The following INKA2 variants were observed in gnomAD, a reference collection of about 807,000 sequenced individuals.
INKA2 encodes the protein PAK4-inhibitor INKA2.
INKA2 carries 3 observed loss-of-function variants against 9.8 expected under a neutral mutation model. The ratio of observed to expected loss-of-function variants is 0.31; its 90% confidence interval spans 0.14 to 0.79. The LOEUF (loss-of-function observed/expected upper bound fraction) is 0.79. Ranked by LOEUF, INKA2 falls within the 30% of genes least tolerant of loss-of-function variation. INKA2 has a pLI of 0.62. For missense variants in INKA2, 392 were observed against 384.4 expected (o/e 1.02, Z -0.17); for synonymous variants, 147 against 143.3 (o/e 1.03, Z -0.18).
upstream of INKA2, among the ~76,000 whole-genome samples, chr1:111,742,251 G>T (rs1207610159): frequency 6.6e-6 from 1 of 152,114 alleles, no homozygotes; most frequent in African/African-American, 2.4e-5. Context: ...CCTGCTTATG[G>T]GTTTAAACCT....
At chr1:111,739,431 G>C (rs999136449), upstream of INKA2, 10 of 1,444,552 alleles carry the variant, frequency 6.9e-6, no homozygotes, top group Admixed American at 5.7e-5. Context: ...GGTCGGTGCT[G>C]GGGGTGGAGG....
chr1:111,750,488 C>A (rs535744836), intron 1 of INKA2, among the ~76,000 whole-genome samples: 1 of 152,256 alleles, frequency 6.6e-6, no homozygotes, highest in African/African-American at 2.4e-5. Flanking sequence ...GAACAGATGG[C>A]TCAAGAATAT....
chr1:111,745,085 G>A (rs1663231051), intron 1 of INKA2, among the ~76,000 whole-genome samples: 2 of 151,552 alleles, frequency 1.3e-5, no homozygotes, highest in East Asian at 1.9e-4. Flanking sequence ...TAATGAACAG[G>A]TAGTCTGTGG....
chr1:111,755,724 TC>T (rs1189144125), exon 1 of INKA2: 4 of 1,613,754 alleles, frequency 2.5e-6, no homozygotes, highest in Non-Finnish European at 3.4e-6. Flanking sequence ...TTTCCTCTCC[TC>T]CCTCTTGGGG....
upstream of INKA2, among the ~76,000 whole-genome samples, chr1:111,741,289 G>T (rs1557913993): frequency 6.6e-6 from 1 of 152,154 alleles, no homozygotes; most frequent in African/African-American, 2.4e-5. Flanking sequence ...AATGGATAGA[G>T]AAAAGAAAAA....
At chr1:111,732,414 G>A (rs747372267) in intron 1 of INKA2, among the ~76,000 whole-genome samples, 2 of 152,030 alleles carry the variant, frequency 1.3e-5, no homozygotes, top group African/African-American at 2.4e-5. Context: ...GAGTTCCTCC[G>A]GAGCCTCTTA....
intron 1 of INKA2, among the ~76,000 whole-genome samples, chr1:111,728,057 A>ACC (rs1662831139): frequency 6.6e-6 from 1 of 151,402 alleles, no homozygotes; most frequent in Admixed American, 6.6e-5. Flanking sequence ...ACACACACAC[A>ACC]CACACACACA....
rs1223268229 is a variant in INKA2 at position 111,727,718 on chromosome 1, C to A, written c.144G>T (p.Val48=). The A allele has an allele frequency of 1.5e-5, 24 of 1,613,814 alleles. No homozygotes were observed. The East Asian group carries it at 5.3e-4, about 36-fold the overall frequency. The change falls in exon 2 of 2, where the codon GTG becomes GTT. Residue 48 remains valine, a synonymous_variant. Transcript: ENST00000357260. ...GALQELKLLQ[V]QTALEQLEIS... ...TCTCCAGCTGTTCCAGTGCTGTCTG[C>A]ACCTGGAGGAGCTTCAGTTCTTGCA...
chr1:111,749,077 G>C (rs1484020315), intron 1 of INKA2, among the ~76,000 whole-genome samples: 3 of 152,224 alleles, frequency 2.0e-5, no homozygotes, highest in Non-Finnish European at 4.4e-5. Flanking sequence ...AAGGCTCAAG[G>C]CTGCCTGAGG....
At chr1:111,735,074 C>T (rs919208710) in intron 1 of INKA2, among the ~76,000 whole-genome samples, 37 of 152,202 alleles carry the variant, frequency 2.4e-4, no homozygotes, top group Non-Finnish European at 5.1e-4. Flanking sequence ...GAAAGTAAAA[C>T]TTCTTAGTGT....
rs1662731854 is a variant in INKA2 at position 111,724,818 on chromosome 1, A to G, written c.*2150T>C. 1 of 152,174 alleles carries G rather than the reference A, an allele frequency of 6.6e-6. No individual in the cohort carries two copies. The highest frequency in any genetic ancestry group is 2.1e-4 in the South Asian group (1 of 4,828). The allele number at this position is 152,174 out of a possible 1,614,324, so 9.4% of individuals were successfully genotyped here. ...CAGGGGTTTTGGAGCCAGATAACCC[A>G]ACCCTCTGTTCAAATCTCTGTCCTT... is the stretch of plus-strand genomic sequence containing the variant. On this transcript the variant is annotated 3_prime_UTR_variant, in exon 2 of 2. Coordinates refer to ENST00000357260, the MANE Select transcript of INKA2 (RefSeq NM_019099.5).
intron 1 of INKA2, among the ~76,000 whole-genome samples, chr1:111,734,880 T>C (rs905367866): frequency 5.9e-5 from 9 of 152,234 alleles, no homozygotes; most frequent in African/African-American, 2.2e-4. Flanking sequence ...GTGCTTGTTA[T>C]ATAGCACAAC....
upstream of INKA2, among the ~76,000 whole-genome samples, chr1:111,743,539 A>G (rs535768075): frequency 6.6e-6 from 1 of 152,304 alleles, no homozygotes; most frequent in South Asian, 2.1e-4. Flanking sequence ...TTGTGTCCCA[A>G]GGGAGCTCAG....
intron 1 of INKA2, chr1:111,755,673 C>T (rs1427090901): frequency 5.0e-6 from 8 of 1,613,066 alleles, no homozygotes; most frequent in South Asian, 2.2e-5. Flanking sequence ...CCCGCGGCGC[C>T]CTCTGCAGGC....
upstream of INKA2, among the ~76,000 whole-genome samples, chr1:111,744,127 T>C (rs1383583568): frequency 6.6e-6 from 1 of 152,200 alleles, no homozygotes; most frequent in East Asian, 1.9e-4. Flanking sequence ...ACATCTTCCT[T>C]TGTCCACCTT....
intron 1 of INKA2, among the ~76,000 whole-genome samples, chr1:111,752,850 C>G (rs1249114634): frequency 6.6e-6 from 1 of 152,088 alleles, no homozygotes; most frequent in East Asian, 1.9e-4. Context: ...CCCACCACCA[C>G]GCCCGGCTAA....
chr1:111,727,678 G>A lies in INKA2; in HGVS notation c.184C>T (p.Pro62Ser). The change falls in exon 2 of 2, where the codon CCT becomes TCT. Residue 62 changes from proline (P) to serine (S), a missense_variant. By Grantham distance (74) the Pro-to-Ser change is moderately conservative. Transcript: ENST00000357260. ...LEQLEISGGG[P>S]VPGSPEGPRT... Reference sequence around the variant, plus strand: ...GGACCTTCAGGGCTGCCTGGCACAGGACCCCCTCCAGAGATCTCCAGCTGT... The same window carrying A: ...GGACCTTCAGGGCTGCCTGGCACAGAACCCCCTCCAGAGATCTCCAGCTGT... 1 of 1,612,522 alleles carries A rather than the reference G, an allele frequency of 6.2e-7. No homozygotes were observed. Among genetic ancestry groups the A allele is most frequent in the Non-Finnish European group, 8.5e-7 (1 of 1,179,158 alleles).
At chr1:111,739,527 G>A (rs1663095070), upstream of INKA2, 9 of 962,632 alleles carry the variant, frequency 9.3e-6, no homozygotes, top group East Asian at 3.0e-4. Context: ...GGGCGGCCGA[G>A]GCGGACCCTA....
At chr1:111,738,511 C>A (rs1043329993) in intron 1 of INKA2, among the ~76,000 whole-genome samples, 2 of 152,122 alleles carry the variant, frequency 1.3e-5, no homozygotes, top group African/African-American at 4.8e-5. Flanking sequence ...GCAGCTCCCG[C>A]TCTCGATTTG....
Sources: gnomAD v4.1 joint callset for allele counts (sites outside exome capture counted in the v4.1 genomes callset) on GRCh38, gnomAD v4.1.1 for gene constraint, MANE v1.5 for transcripts, NCBI Gene and HGNC (gene_info 2026-07-23, HGNC 2026-07-21) for gene names.